SFSWAP: variants seen among roughly 807,000 people sequenced by gnomAD.
The protein encoded by SFSWAP is splicing factor SWAP.
SFSWAP carries 17 observed loss-of-function variants against 100.7 expected under a neutral mutation model. The ratio of observed to expected loss-of-function variants is 0.17; its 90% CI spans 0.12 to 0.25. The LOEUF is 0.25. Among genes scored for constraint, SFSWAP ranks in the 10% least tolerant of loss-of-function variants. SFSWAP has a pLI of 1.00. For missense variants in SFSWAP, 1,005 were observed against 1,262.6 expected, an observed-to-expected ratio of 0.80 and a Z score of 3.09; for synonymous variants, 504 against 510.1, an observed-to-expected ratio of 0.99 and a Z score of 0.16.
intron 16 of SFSWAP, 64 bp downstream of exon 16, chr12:131,797,424 C>T: frequency 1.4e-6 from 2 of 1,417,752 alleles, no homozygotes; most frequent in Non-Finnish European, 9.6e-7. Context: ...AGGACTCTCC[C>T]TCCTCCCTGA....
Position 131,726,965 on chromosome 12 carries a change from AGAT to A in SFSWAP, c.870_872del (p.Asp290del), listed in dbSNP as rs200953168. On this transcript the variant is annotated inframe_deletion, in exon 6 of 18. Coordinates refer to ENST00000261674, the MANE Select transcript of SFSWAP (RefSeq NM_004592.4). ...AATCAGGAGTCAGCTCTGACAATGA[AGAT>A]GATGATGATGAAGAAGATGGGAATT... 20 of 1,601,818 alleles carry A rather than the reference AGAT, an allele frequency of 1.2e-5. No homozygotes were observed. The highest frequency in any genetic ancestry group is 1.7e-4 in the Middle Eastern group (1 of 6,056).
intron 7 of SFSWAP, among the ~76,000 whole-genome samples, chr12:131,742,215 G>A (rs530465669): frequency 1.3e-5 from 2 of 152,246 alleles, no homozygotes; most frequent in South Asian, 2.1e-4. Context: ...GGATCCCCAC[G>A]GCAGGTCATT....
chr12:131,771,406 T>G (rs1404927643), intron 13 of SFSWAP, among the ~76,000 whole-genome samples: 1 of 152,216 alleles, frequency 6.6e-6, no homozygotes, highest in Non-Finnish European at 1.5e-5. Flanking sequence ...CTGTGTCTTG[T>G]GTACTCCAGT....
chr12:131,798,975 A>G lies in SFSWAP; in HGVS notation c.2718-62A>G, dbSNP rs57720719. The G allele has an allele frequency of 3.9e-3, 4,882 of 1,244,998 alleles. 116 individuals carry two copies. In the African/African-American group the frequency reaches 0.053, roughly 14 times the overall value. 77.1% of individuals were successfully genotyped at this position (1,244,998 alleles called of 1,614,324 possible). A position where few individuals can be genotyped will look rare whatever the true frequency, so the allele number is the denominator to read the frequency against. On this transcript the variant is annotated intron_variant, in intron 16 of 17. Transcript: ENST00000261674. ...GGGTTCGGAGGTGGGGATGCTGTTC[A>G]CTGGCCTTGGCTCAGCATCTTCACA...
At chr12:131,722,992 T>A (rs1878622961) in intron 4 of SFSWAP, among the ~76,000 whole-genome samples, 1 of 152,034 alleles carries the variant, frequency 6.6e-6, no homozygotes, top group African/African-American at 2.4e-5. Flanking sequence ...GCAAATACAG[T>A]TGTTGCCAGA....
At chr12:131,749,062 A>C (rs11246796) in intron 7 of SFSWAP, among the ~76,000 whole-genome samples, 25,059 of 152,218 alleles carry the variant, frequency 0.16, 2,374 homozygotes, top group South Asian at 0.28. Context: ...CATCAGTAAA[A>C]TGCTTGAGAT....
chr12:131,793,717 A>T (rs1459977868), intron 15 of SFSWAP, among the ~76,000 whole-genome samples: 4 of 152,138 alleles, frequency 2.6e-5, no homozygotes, highest in Non-Finnish European at 5.9e-5. Flanking sequence ...CTGTGTCAGT[A>T]CCAAAAAGAC....
At chr12:131,769,499 C>T (rs1335026201) in intron 13 of SFSWAP, among the ~76,000 whole-genome samples, 1 of 152,216 alleles carries the variant, frequency 6.6e-6, no homozygotes, top group Non-Finnish European at 1.5e-5. Context: ...TATAATTTAT[C>T]ACTAGCCCAG....
intron 15 of SFSWAP, 119 bp from the exon 16 acceptor site, chr12:131,797,059 G>T (rs372983714): frequency 4.9e-6 from 4 of 813,478 alleles, no homozygotes; most frequent in Non-Finnish European, 8.0e-6. Flanking sequence ...GAGTGGTTCC[G>T]TCCCTGAATT....
intron 14 of SFSWAP, chr12:131,785,092 A>T (rs1841592387): frequency 6.5e-7 from 1 of 1,535,368 alleles, no homozygotes; most frequent in Admixed American, 2.0e-5. Context: ...CTCCCCAGGG[A>T]CGCTGCGCGC....
At chr12:131,712,017 T>TTGA (rs1877408802) in intron 1 of SFSWAP, 1 of 152,556 alleles carries the variant, frequency 6.6e-6, no homozygotes, top group Non-Finnish European at 1.5e-5. Flanking sequence ...GGCATGACGT[T>TTGA]TGATTTCCCG....
At chr12:131,718,948 C>T (rs1042015617) in intron 3 of SFSWAP, among the ~76,000 whole-genome samples, 3 of 152,274 alleles carry the variant, frequency 2.0e-5, no homozygotes, top group East Asian at 3.9e-4. Flanking sequence ...AGCTAACAAG[C>T]GGCAGGGCAG....
intron 8 of SFSWAP, 140 bp downstream of exon 8, chr12:131,753,503 T>C (rs1192389320): frequency 7.9e-6 from 9 of 1,137,702 alleles, no homozygotes; most frequent in Non-Finnish European, 1.1e-5. Context: ...TTATTCCAAA[T>C]CCCCAAGTTA....
At position 131,714,830 on chromosome 12, in the gene SFSWAP, T is replaced by C; in HGVS notation, c.397T>C (p.Tyr133His). 1 of 1,613,868 alleles carries C rather than the reference T, an allele frequency of 6.2e-7. No homozygotes were observed. The highest frequency in any genetic ancestry group is 8.5e-7 in the Non-Finnish European group (1 of 1,179,784). Residue 133 changes from tyrosine to histidine, a missense_variant, in exon 3 of 18, where the codon TAC (tyrosine) becomes CAC (histidine). Coordinates refer to ENST00000261674, the MANE Select transcript of SFSWAP (RefSeq NM_004592.4). This position sits in a 1 kb window ranked among gnomAD's most constrained non-coding sequence, Gnocchi z 6.0. ...TCTCATTTTTATTCAAGAGGAAGAA[T>C]ACAAGCGATTGAGTGAAGCACTAGC... ...LEEEARQEEEYKRLSEALAED... is the reference protein window; with the variant it reads ...LEEEARQEEEHKRLSEALAED...
intron 13 of SFSWAP, among the ~76,000 whole-genome samples, chr12:131,769,892 G>A (rs1883447509): frequency 6.6e-6 from 1 of 152,140 alleles, no homozygotes; most frequent in South Asian, 2.1e-4. Flanking sequence ...CACCTCTCCT[G>A]TTTGCAGGCA....
At chr12:131,795,091 CTT>C (rs1379039418) in intron 15 of SFSWAP, among the ~76,000 whole-genome samples, 2 of 152,252 alleles carry the variant, frequency 1.3e-5, no homozygotes, top group African/African-American at 4.8e-5. Flanking sequence ...AAAAATGACT[CTT>C]TCGTGCAGGT....
chr12:131,789,374 T>G (rs1885099187), intron 15 of SFSWAP, among the ~76,000 whole-genome samples: 1 of 152,140 alleles, frequency 6.6e-6, no homozygotes, highest in Admixed American at 6.5e-5. Context: ...AATAGTACAA[T>G]GGGGCCAGAT....
intron 11 of SFSWAP, 141 bp downstream of exon 11, chr12:131,756,785 C>A (rs909791429): frequency 4.4e-6 from 3 of 687,966 alleles, no homozygotes; most frequent in Non-Finnish European, 7.2e-6. Context: ...TGTGGTGAAA[C>A]CTCTGCCTTC....
Position 131,754,376 on chromosome 12 carries a change from C to T in SFSWAP, c.1331C>T (p.Ala444Val). The stretch of plus-strand genomic sequence containing the variant: ...AGACTCTTCTCCTGCAGTGCACTTG[C>T]CCCCGTGGCCGCCATCATCCCCCCG... Reference protein sequence around the residue: ...TSTTTTTSALAPVAAIIPPPP... With the variant: ...TSTTTTTSALVPVAAIIPPPP... The change falls in exon 9 of 18, where the codon GCC (alanine) becomes GTC (valine). Residue 444 changes from alanine to valine, a missense_variant. By Grantham distance (64) the Ala-to-Val change is moderately conservative. Transcript: ENST00000261674. The T allele has an allele frequency of 6.4e-7, 1 of 1,564,786 alleles. No homozygotes were observed. The highest frequency in any genetic ancestry group is 8.6e-7 in the Non-Finnish European group (1 of 1,158,104).
Sources: allele counts gnomAD v4.1 joint callset (sites outside exome capture counted in the v4.1 genomes callset), GRCh38; gene constraint gnomAD v4.1.1; non-coding constraint Gnocchi (gnomAD v3.1); transcripts MANE v1.5; gene names NCBI Gene and HGNC (gene_info 2026-07-23, HGNC 2026-07-21).